RAB7A: variants seen among roughly 807,000 people sequenced by gnomAD.
RAB7A encodes RAB7A, member RAS oncogene family, also known as ras-related protein Rab-7a.
Under a neutral mutation model 24.5 loss-of-function variants are expected in RAB7A, and 2 were observed. The observed-to-expected ratio is 0.08, with a 90% CI of 0.03 to 0.26. The LOEUF (loss-of-function observed/expected upper bound fraction) is 0.26. RAB7A is among the 10% of genes least tolerant of loss of function. The pLI is 1.00. For synonymous variants in RAB7A, 100 were observed against 95.9 expected (o/e 1.04, Z -0.25); for missense variants, 118 against 255.7 (o/e 0.46, Z 3.67).
intron 1 of RAB7A, among the ~76,000 whole-genome samples, chr3:128,760,160 A>T (rs1052068527): frequency 6.6e-6 from 1 of 152,144 alleles, no homozygotes; most frequent in African/African-American, 2.4e-5. Context: ...GGTGAGCTTC[A>T]TCCACGGGAG....
At position 128,813,585 on chromosome 3, in the gene RAB7A, T is replaced by TCACACACACA; in HGVS notation, c.*171_*180dup. 1 of 630,172 alleles carries TCACACACACA rather than the reference T, an allele frequency of 1.6e-6. No homozygotes were observed. The highest frequency in any genetic ancestry group is 1.6e-5 in the South Asian group (1 of 62,024). 39.0% of individuals were successfully genotyped at this position (630,172 alleles called of 1,614,324 possible). On this transcript the variant is annotated 3_prime_UTR_variant, in exon 6 of 6. Transcript: ENST00000265062. ...AACACAGTTACACCCCACATATCTC[T>TCACACACACA]CACACACACACACACACGCACACAC...
chr3:128,807,723 C>G (rs372646659), intron 5 of RAB7A, 52 bp downstream of exon 5: 2 of 1,612,486 alleles, frequency 1.2e-6, no homozygotes, highest in South Asian at 1.1e-5. Context: ...GACCACTGAC[C>G]CAGTCCCTGC....
intron 1 of RAB7A, among the ~76,000 whole-genome samples, chr3:128,754,713 A>T (rs1397689317): frequency 6.6e-6 from 1 of 152,156 alleles, no homozygotes; most frequent in Non-Finnish European, 1.5e-5. Context: ...GGAAAAAGAT[A>T]CTCTCTTCAT....
At chr3:128,740,143 G>C (rs1023718909) in intron 1 of RAB7A, among the ~76,000 whole-genome samples, 1 of 152,256 alleles carries the variant, frequency 6.6e-6, no homozygotes, top group East Asian at 1.9e-4. Context: ...TTGGGAGGCC[G>C]CCGAGATGGG....
At chr3:128,790,614 G>A (rs1933435380) in intron 1 of RAB7A, among the ~76,000 whole-genome samples, 1 of 152,100 alleles carries the variant, frequency 6.6e-6, no homozygotes, top group Admixed American at 6.5e-5. Context: ...AAATTTTTCT[G>A]GCTCTTACCA....
intron 1 of RAB7A, among the ~76,000 whole-genome samples, chr3:128,791,817 T>C (rs1933460304): frequency 6.6e-6 from 1 of 152,190 alleles, no homozygotes; most frequent in Admixed American, 6.5e-5. Flanking sequence ...ACAGTCTCCC[T>C]GTGCCTGAGC....
At chr3:128,733,892 C>CATA in intron 1 of RAB7A, among the ~76,000 whole-genome samples, 1 of 152,294 alleles carries the variant, frequency 6.6e-6, no homozygotes, top group East Asian at 1.9e-4. Flanking sequence ...GTTGTACCAG[C>CATA]GTATTCTTCC....
intron 1 of RAB7A, among the ~76,000 whole-genome samples, chr3:128,747,596 TGAAATGAAATAAA>T (rs2070631065): frequency 6.6e-6 from 1 of 151,062 alleles, no homozygotes; most frequent in Admixed American, 6.6e-5. Flanking sequence ...AATAATGAAA[TGAAATGAAATAAA>T]GAAATGAAAT....
intron 1 of RAB7A, among the ~76,000 whole-genome samples, chr3:128,735,642 G>A (rs575731981): frequency 3.3e-5 from 5 of 152,294 alleles, no homozygotes; most frequent in African/African-American, 1.2e-4. Flanking sequence ...GTTAAACATG[G>A]GAGCTGGTTA....
chr3:128,795,491 G>C, intron 2 of RAB7A, 71 bp downstream of exon 2: 3 of 1,400,786 alleles, frequency 2.1e-6, no homozygotes, highest in Non-Finnish European at 3.0e-6. Context: ...AGCCCACACT[G>C]TCCGTGCTGC....
chr3:128,748,459 T>A lies in RAB7A; in HGVS notation c.-9+22100T>A, dbSNP rs1015949235. On this transcript the variant is annotated intron_variant, in intron 1 of 5. Transcript: ENST00000265062. ...GTAGACAGGGAAGGTGGAATATACT[T>A]TGGGGAATGGGGAAGAATTGGTGGG... 4 of 152,356 alleles carry A rather than the reference T, an allele frequency of 2.6e-5. No individual in the cohort carries two copies. The South Asian group carries it at 8.3e-4, about 32-fold the overall frequency. The allele number at this position is 152,356 out of a possible 1,614,324, so 9.4% of individuals were successfully genotyped here.
chr3:128,807,578 C>T lies in RAB7A; in HGVS notation c.435C>T (p.Ser145=), dbSNP rs746610394. 6.2e-7 allele frequency: 1 copy of T among 1,614,190 alleles called. No homozygotes were observed. Among genetic ancestry groups the T allele is most frequent in the South Asian group, 1.1e-5 (1 of 91,082 alleles). ...AGCGGGCACAGGCCTGGTGCTACAG[C>T]AAAAACAACATTCCCTACTTTGAGA... ...ATKRAQAWCY[S]KNNIPYFETS... Residue 145 remains serine (S), a synonymous_variant, in exon 5 of 6, where the codon AGC becomes AGT. Coordinates refer to ENST00000265062, the MANE Select transcript of RAB7A (RefSeq NM_004637.6).
chr3:128,763,237 C>T (rs1395224290), intron 1 of RAB7A, among the ~76,000 whole-genome samples: 8 of 85,448 alleles, frequency 9.4e-5, no homozygotes, highest in African/African-American at 2.0e-4. Flanking sequence ...TTTTTTGAGA[C>T]GGAGTCTCGC....
At chr3:128,752,391 T>TA (rs2070690739) in intron 1 of RAB7A, among the ~76,000 whole-genome samples, 1 of 133,578 alleles carries the variant, frequency 7.5e-6, no homozygotes, top group African/African-American at 2.8e-5. Flanking sequence ...GACAAAAGAG[T>TA]AAAGGAGGAT....
intron 1 of RAB7A, among the ~76,000 whole-genome samples, chr3:128,765,667 C>T (rs561844453): frequency 2.6e-5 from 4 of 152,008 alleles, no homozygotes; most frequent in East Asian, 1.9e-4. Context: ...CGAGGTGGCT[C>T]GCTGCAGCCA....
At chr3:128,762,450 G>A (rs530364620) in intron 1 of RAB7A, among the ~76,000 whole-genome samples, 30 of 152,196 alleles carry the variant, frequency 2.0e-4, no homozygotes, top group African/African-American at 7.0e-4. Flanking sequence ...CCCCGTCACA[G>A]TTTTTCTTAA....
chr3:128,756,738 T>G (rs2070732406), intron 1 of RAB7A, among the ~76,000 whole-genome samples: 1 of 152,164 alleles, frequency 6.6e-6, no homozygotes, highest in Non-Finnish European at 1.5e-5. Context: ...GGTCTCACAC[T>G]TCCTGATTTC....
intron 1 of RAB7A, among the ~76,000 whole-genome samples, chr3:128,786,617 C>G (rs565081086): frequency 6.6e-6 from 1 of 152,272 alleles, no homozygotes; most frequent in East Asian, 1.9e-4. Context: ...GGAATCTGCT[C>G]AGAAGCCTGC....
Position 128,735,328 on chromosome 3 carries a change from CTG to C in RAB7A, c.-9+8971_-9+8972del, listed in dbSNP as rs557709887. Among the ~76,000 whole-genome samples the C allele has an allele frequency of 2.6e-3, 401 of 151,482 alleles. 4 individuals are homozygous for C. The highest frequency in any genetic ancestry group is 9.2e-3 in the African/African-American group (378 of 40,942). ...TGCAGTAGCTCTAATTTGGGAATGACTGTATGTATGGAAACCAGATCCTGGTA... is the reference window on the plus strand; with the variant it reads ...TGCAGTAGCTCTAATTTGGGAATGACTATGTATGGAAACCAGATCCTGGTA... On this transcript the variant is annotated intron_variant, in intron 1 of 5. Coordinates refer to ENST00000265062, the MANE Select transcript of RAB7A (RefSeq NM_004637.6).
Sources: allele counts gnomAD v4.1 joint callset (sites outside exome capture counted in the v4.1 genomes callset), GRCh38; gene constraint gnomAD v4.1.1; transcripts MANE v1.5; gene names NCBI Gene and HGNC (gene_info 2026-07-23, HGNC 2026-07-21).